The following BCL2L11 variants were observed in gnomAD, a reference collection of about 807,000 sequenced individuals.
BCL2L11 encodes bcl-2-like protein 11.
A neutral mutation model predicts 20.6 loss-of-function variants in BCL2L11; 15 were observed. That is an observed-to-expected ratio of 0.73 (90% CI 0.49 to 1.12). BCL2L11 has a LOEUF of 1.12. BCL2L11 is among the 50% of genes most tolerant of loss of function. The pLI is 0.00. For synonymous variants in BCL2L11, 108 were observed against 92.8 expected (o/e 1.16, Z -0.94); for missense variants, 292 against 260.9 (o/e 1.12, Z -0.82).
intron 2 of BCL2L11, among the ~76,000 whole-genome samples, chr2:111,149,126 T>C: frequency 6.6e-6 from 1 of 152,250 alleles, no homozygotes; most frequent in East Asian, 1.9e-4. Context: ...TACACGTTAC[T>C]GAACTGTTCA....
At chr2:111,162,950 CTG>C (rs1342120877) in intron 3 of BCL2L11, 2 of 152,240 alleles carry the variant, frequency 1.3e-5, no homozygotes, top group East Asian at 3.8e-4. Context: ...AAATCACAGA[CTG>C]TGGTTACAGA....
rs193171782 is a variant in BCL2L11, at chr2:111,164,159, C to G, written c.525C>G (p.Ala175=). ...TATTTTTGAATAATTACCAAGCAGC[C>G]GAAGACCACCCACGAATGGTTATCT... is the stretch of plus-strand genomic sequence containing the variant. The part of the protein sequence containing the change: ...RRVFLNNYQA[A]EDHPRMVILR... The change falls in exon 4 of 4, where the codon GCC becomes GCG. Residue 175 remains alanine, a synonymous_variant. Coordinates refer to ENST00000393256, the MANE Select transcript of BCL2L11 (RefSeq NM_138621.5). 1.2e-6 allele frequency: 2 copies of G among 1,612,504 alleles called. No individual in the cohort carries two copies. The highest frequency in any genetic ancestry group is 1.7e-6 in the Non-Finnish European group (2 of 1,178,636).
At chr2:111,123,020 G>C (rs961389308) in intron 1 of BCL2L11, 4 of 983,492 alleles carry the variant, frequency 4.1e-6, no homozygotes, top group Non-Finnish European at 4.8e-6. Flanking sequence ...CCTAGTTGTA[G>C]ACCTTGCAGG....
chr2:111,129,138 TAC>T (rs759649888), intron 2 of BCL2L11, among the ~76,000 whole-genome samples: 22 of 152,250 alleles, frequency 1.4e-4, no homozygotes, highest in Non-Finnish European at 1.5e-5. Context: ...TTCAGGCAAA[TAC>T]AGTTTTGTTT....
chr2:111,123,047 C>G (rs2071513316), intron 1 of BCL2L11: 1 of 975,824 alleles, frequency 1.0e-6, no homozygotes, highest in African/African-American at 1.8e-5. Context: ...CTTCGTCGCC[C>G]TCCGCCGCCC....
rs899665408 is a variant in BCL2L11, at chr2:111,156,907, G to A, written c.498+6760G>A. On this transcript the variant is annotated intron_variant, in intron 3 of 3. Coordinates refer to ENST00000393256, the MANE Select transcript of BCL2L11 (RefSeq NM_138621.5). ...TTGAAACATTTTTCAATGGGTCTTCGGCGTTTAGAAAGGGAGATGCCAGGA... is the reference window on the plus strand; with the variant it reads ...TTGAAACATTTTTCAATGGGTCTTCAGCGTTTAGAAAGGGAGATGCCAGGA... 2.7e-4 allele frequency among the ~76,000 whole-genome samples: 41 copies of A among 152,100 alleles called. 1 individual carries two copies. Among genetic ancestry groups the A allele is most frequent in the Admixed American group, 2.4e-3 (37 of 15,278 alleles).
intron 2 of BCL2L11, among the ~76,000 whole-genome samples, chr2:111,134,182 A>G (rs1460925671): frequency 1.3e-5 from 2 of 151,852 alleles, no homozygotes; most frequent in South Asian, 2.1e-4. Context: ...ATGTAAGTCT[A>G]AATGCCTTTT....
chr2:111,121,648 G>C (rs2070963448), intron 1 of BCL2L11, among the ~76,000 whole-genome samples: 1 of 152,244 alleles, frequency 6.6e-6, no homozygotes, highest in East Asian at 1.9e-4. Context: ...GGGCGCGTGG[G>C]CCTGTTGCGG....
chr2:111,124,809 C>CT (rs1227892281), intron 2 of BCL2L11, among the ~76,000 whole-genome samples: 9 of 152,172 alleles, frequency 5.9e-5, no homozygotes, highest in Non-Finnish European at 1.3e-4. Context: ...GAAAATAACA[C>CT]TTTTAAAAAA....
intron 2 of BCL2L11, among the ~76,000 whole-genome samples, chr2:111,132,974 A>G (rs1389009154): frequency 2.0e-5 from 3 of 152,320 alleles, no homozygotes; most frequent in Non-Finnish European, 4.4e-5. Context: ...AACATACTCT[A>G]TACAATTTCA....
At chr2:111,143,706 A>C (rs1452433985) in intron 2 of BCL2L11, among the ~76,000 whole-genome samples, 2 of 152,138 alleles carry the variant, frequency 1.3e-5, no homozygotes, top group East Asian at 3.9e-4. Context: ...GTCGTGACTC[A>C]GCTGGGGATG....
At chr2:111,121,600 C>A (rs954518354) in intron 1 of BCL2L11, among the ~76,000 whole-genome samples, 1 of 152,220 alleles carries the variant, frequency 6.6e-6, no homozygotes, top group Non-Finnish European at 1.5e-5. Context: ...AGAGTAGCGG[C>A]CGCGCAGTGT....
chr2:111,155,328 A>G (rs951240369), intron 3 of BCL2L11, among the ~76,000 whole-genome samples: 5 of 152,112 alleles, frequency 3.3e-5, no homozygotes, highest in African/African-American at 1.2e-4. Context: ...AGCGGTTGCC[A>G]GTTTCTTTCA....
chr2:111,135,212 A>G (rs1040112348), intron 2 of BCL2L11, among the ~76,000 whole-genome samples: 14 of 152,000 alleles, frequency 9.2e-5, no homozygotes, highest in Non-Finnish European at 7.4e-5. Flanking sequence ...GATTGAGTAA[A>G]TTCTATTGAT....
chr2:111,142,045 C>G (rs2075905584), intron 2 of BCL2L11, among the ~76,000 whole-genome samples: 1 of 152,150 alleles, frequency 6.6e-6, no homozygotes, highest in African/African-American at 2.4e-5. Flanking sequence ...TGTTTCTCAT[C>G]TAGGATACAG....
intron 2 of BCL2L11, among the ~76,000 whole-genome samples, chr2:111,129,866 G>GT (rs1208637524): frequency 1.3e-5 from 2 of 152,178 alleles, no homozygotes; most frequent in Non-Finnish European, 1.5e-5. Flanking sequence ...TAATCATACT[G>GT]TATGTGACCT....
At chr2:111,141,754 A>C (rs1366700206) in intron 2 of BCL2L11, among the ~76,000 whole-genome samples, 2 of 150,426 alleles carry the variant, frequency 1.3e-5, no homozygotes, top group African/African-American at 4.9e-5. Flanking sequence ...GCTGGAGTGC[A>C]ATGGTGCCAT....
chr2:111,156,305 A>G (rs542631817), intron 3 of BCL2L11, among the ~76,000 whole-genome samples: 1 of 152,338 alleles, frequency 6.6e-6, no homozygotes, highest in South Asian at 2.1e-4. Flanking sequence ...AACTCATGCA[A>G]TGATAGGTTG....
intron 2 of BCL2L11, among the ~76,000 whole-genome samples, chr2:111,143,021 A>G (rs13396983): frequency 0.54 from 82,255 of 152,072 alleles, 22,931 homozygotes; most frequent in African/African-American, 0.64. Flanking sequence ...GTCAGTAGAA[A>G]AAATATAGGG....
Sources: gnomAD v4.1 joint callset for allele counts (sites outside exome capture counted in the v4.1 genomes callset) on GRCh38, gnomAD v4.1.1 for gene constraint, MANE v1.5 for transcripts, NCBI Gene and HGNC (gene_info 2026-07-23, HGNC 2026-07-21) for gene names.